ODAD2: variants seen among roughly 807,000 people sequenced by gnomAD.
ODAD2 encodes the protein outer dynein arm-docking complex subunit 2.
A neutral mutation model predicts 106.8 loss-of-function variants in ODAD2; 89 were observed. That is an observed-to-expected ratio of 0.83 (90% CI 0.70 to 0.99). The LOEUF is 0.99. ODAD2 is among the 50% of genes least tolerant of loss of function. The pLI is 0.00. For synonymous variants in ODAD2, 404 were observed against 436.2 expected (o/e 0.93, Z 0.92); for missense variants, 1,168 against 1,238.5 (o/e 0.94, Z 0.85).
chr10:27,839,472 A>G (rs1355256612), intron 19 of ODAD2, among the ~76,000 whole-genome samples: 1 of 152,224 alleles, frequency 6.6e-6, no homozygotes, highest in Non-Finnish European at 1.5e-5. Context: ...GAAGTTTTTG[A>G]GTGCAACATT....
chr10:27,880,369 T>A (rs1436056411), intron 17 of ODAD2, among the ~76,000 whole-genome samples: 1 of 152,212 alleles, frequency 6.6e-6, no homozygotes, highest in Admixed American at 6.5e-5. Context: ...CATTCTTATG[T>A]CTAAAAAAAT....
intron 17 of ODAD2, among the ~76,000 whole-genome samples, chr10:27,869,503 A>G (rs1023633723): frequency 1.3e-5 from 2 of 151,408 alleles, no homozygotes; most frequent in African/African-American, 4.8e-5. Flanking sequence ...ATCAGCAAGC[A>G]AAAAGACTAA....
chr10:27,948,058 C>A (rs1054115708), intron 10 of ODAD2, among the ~76,000 whole-genome samples: 1 of 152,078 alleles, frequency 6.6e-6, no homozygotes, highest in African/African-American at 2.4e-5. Context: ...TCATAACGGC[C>A]ATTTAATTGC....
chr10:27,816,066 C>T (rs1354943285), intron 19 of ODAD2, among the ~76,000 whole-genome samples: 1 of 152,206 alleles, frequency 6.6e-6, no homozygotes, highest in East Asian at 1.9e-4. Context: ...CCTCATCTCC[C>T]CTATGCTGCA....
chr10:27,949,446 C>T (rs567514074), intron 10 of ODAD2, among the ~76,000 whole-genome samples: 2 of 152,166 alleles, frequency 1.3e-5, no homozygotes, highest in Non-Finnish European at 2.9e-5. Context: ...GAAAGAACAT[C>T]TGAACTGAGA....
In ODAD2 at chr10:27,923,101, C is replaced by T. The variant is rs1021358405; in HGVS notation, c.2495+11909G>A. Among the ~76,000 whole-genome samples the T allele has an allele frequency of 2.0e-5, 3 of 151,990 alleles. No homozygotes were observed. The East Asian group carries it at 5.8e-4, about 29-fold the overall frequency. On this transcript the variant is annotated intron_variant, in intron 16 of 19. Coordinates refer to ENST00000305242, the MANE Select transcript of ODAD2 (RefSeq NM_018076.5). Reference sequence around the variant, plus strand: ...AAGCAATAACAAAGAACAAAGACTGCAAATCTTATAGCAAAATATAATTAT... The same window carrying T: ...AAGCAATAACAAAGAACAAAGACTGTAAATCTTATAGCAAAATATAATTAT...
intron 18 of ODAD2, 36 bp downstream of exon 18, chr10:27,862,398 C>A (rs1320311535): frequency 6.6e-7 from 1 of 1,526,690 alleles, no homozygotes; most frequent in African/African-American, 1.4e-5. Flanking sequence ...TATCTCAGGA[C>A]AATATGCATG....
At chr10:27,950,292 G>A (rs1188627930) in intron 10 of ODAD2, among the ~76,000 whole-genome samples, 2 of 152,116 alleles carry the variant, frequency 1.3e-5, no homozygotes, top group Non-Finnish European at 2.9e-5. Context: ...GATCAGAAAT[G>A]GTACAAAGTG....
intron 17 of ODAD2, among the ~76,000 whole-genome samples, chr10:27,894,318 A>G (rs1038498774): frequency 6.6e-6 from 1 of 152,134 alleles, no homozygotes; most frequent in Admixed American, 6.5e-5. Context: ...TGAGACCTCA[A>G]AAAAATTCCA....
At chr10:27,923,950 G>GA (rs750706164) in intron 16 of ODAD2, among the ~76,000 whole-genome samples, 386 of 37,776 alleles carry the variant, frequency 0.01, 7 homozygotes, top group Non-Finnish European at 0.014. Flanking sequence ...TCTAATGAAA[G>GA]AAAGAAAGAA....
intron 19 of ODAD2, among the ~76,000 whole-genome samples, chr10:27,836,794 TTAA>T (rs1466782103): frequency 1.3e-5 from 2 of 152,226 alleles, no homozygotes; most frequent in African/African-American, 2.4e-5. Flanking sequence ...AATTGATTGA[TTAA>T]TAATGTTGGT....
intron 16 of ODAD2, among the ~76,000 whole-genome samples, chr10:27,930,552 G>A (rs753043076): frequency 1.3e-5 from 2 of 151,302 alleles, no homozygotes; most frequent in East Asian, 1.9e-4. Context: ...GCGTGAACCC[G>A]GGAGGCGGAG....
At chr10:27,881,529 T>C (rs755263004) in intron 17 of ODAD2, among the ~76,000 whole-genome samples, 14 of 151,668 alleles carry the variant, frequency 9.2e-5, no homozygotes, top group Non-Finnish European at 1.3e-4. Context: ...CCCACTTACT[T>C]GGGAGGCTGA....
At chr10:27,823,812 T>G (rs1836801691) in intron 19 of ODAD2, among the ~76,000 whole-genome samples, 1 of 152,066 alleles carries the variant, frequency 6.6e-6, no homozygotes, top group African/African-American at 2.4e-5. Context: ...AAAACAAAAG[T>G]CAAGGCATTA....
At chr10:27,979,103 G>A (rs1305111632) in intron 7 of ODAD2, among the ~76,000 whole-genome samples, 11 of 151,606 alleles carry the variant, frequency 7.3e-5, no homozygotes, top group Non-Finnish European at 1.0e-4. Flanking sequence ...CCAGCTACTC[G>A]GGAGCTTGAG....
chr10:27,837,188 C>T (rs573850727), intron 19 of ODAD2, among the ~76,000 whole-genome samples: 7 of 152,332 alleles, frequency 4.6e-5, no homozygotes, highest in African/African-American at 1.4e-4. Context: ...ATGCTCCCAC[C>T]CCTGTCTGTG....
At chr10:27,885,785 T>TATATAA (rs1220116080) in intron 17 of ODAD2, among the ~76,000 whole-genome samples, 5 of 27,222 alleles carry the variant, frequency 1.8e-4, no homozygotes, top group Non-Finnish European at 3.4e-4. Flanking sequence ...AAAATATATA[T>TATATAA]TATATATAAT....
In ODAD2 at chr10:27,858,555, T is replaced by C. The variant is rs1026699307; in HGVS notation, c.3021+2070A>G. ...ACAGACACAATTTTCCTTCTTTGCTTTTTTCTTTTCTGTCCTTCACTCTAA... is the reference window on the plus strand; with the variant it reads ...ACAGACACAATTTTCCTTCTTTGCTCTTTTCTTTTCTGTCCTTCACTCTAA... On this transcript the variant is annotated intron_variant, in intron 19 of 19. Transcript: ENST00000305242. Among the ~76,000 whole-genome samples the C allele has an allele frequency of 3.9e-5, 6 of 152,182 alleles. No individual in the cohort carries two copies. The South Asian group carries it at 6.2e-4, about 16-fold the overall frequency.
chr10:27,929,726 T>C (rs1413256849), intron 16 of ODAD2, among the ~76,000 whole-genome samples: 1 of 152,168 alleles, frequency 6.6e-6, no homozygotes, highest in Non-Finnish European at 1.5e-5. Flanking sequence ...ATATTTTTTC[T>C]CTCTCAGGAT....
Sources: gnomAD v4.1 joint callset for allele counts (sites outside exome capture counted in the v4.1 genomes callset) on GRCh38, gnomAD v4.1.1 for gene constraint, MANE v1.5 for transcripts, NCBI Gene and HGNC (gene_info 2026-07-23, HGNC 2026-07-21) for gene names.